Variants in CNTNAP5 observed in about 807,000 individuals in gnomAD.
The protein encoded by CNTNAP5 is contactin-associated protein-like 5.
A neutral mutation model predicts 150.2 loss-of-function variants in CNTNAP5; 72 were observed. The observed-to-expected ratio is 0.48, with a 90% CI of 0.40 to 0.58. The LOEUF (loss-of-function observed/expected upper bound fraction) is 0.58. Among genes scored for constraint, CNTNAP5 ranks in the 20% least tolerant of loss-of-function variants. The pLI, the probability that CNTNAP5 is intolerant of heterozygous loss-of-function variation, is 0.00. For missense variants in CNTNAP5, 1,636 were observed against 1,626.2 expected (o/e 1.01, Z -0.10); for synonymous variants, 672 against 619.8 (o/e 1.08, Z -1.25).
In CNTNAP5 at chr2:124,747,238, C is replaced by A; in HGVS notation, c.2087C>A (p.Pro696Gln). The change falls in exon 14 of 24, where the codon CCA becomes CAA. Residue 696 changes from proline to glutamine, a missense_variant. Coordinates refer to ENST00000682447, the MANE Select transcript of CNTNAP5 (RefSeq NM_001367498.1). ...SRLLNTPDGTPFTWWIGRSNE... is the reference protein window; with the variant it reads ...SRLLNTPDGTQFTWWIGRSNE... The stretch of plus-strand genomic sequence containing the variant: ...ATATCTTGTCTTCCAGATGGAACAC[C>A]ATTTACCTGGTGGATTGGGCGGTCC... 1 of 1,613,302 alleles carries A rather than the reference C, an allele frequency of 6.2e-7. No homozygotes were observed.
chr2:124,538,172 G>A (rs1402436155), intron 10 of CNTNAP5, among the ~76,000 whole-genome samples: 1 of 152,172 alleles, frequency 6.6e-6, no homozygotes, highest in Non-Finnish European at 1.5e-5. Context: ...TATCTGTCCT[G>A]AGATATACTG....
intron 1 of CNTNAP5, among the ~76,000 whole-genome samples, chr2:124,198,405 G>GC (rs1558797364): frequency 6.6e-6 from 1 of 151,178 alleles, no homozygotes. Context: ...GAAGCGCTTA[G>GC]TTTTTTTTTC....
In CNTNAP5 at chr2:124,717,298, G is replaced by A. The variant is rs188264827; in HGVS notation, c.2078-29931G>A. Among the ~76,000 whole-genome samples, 44 of 152,220 alleles carry A rather than the reference G, an allele frequency of 2.9e-4. 1 individual carries two copies. In the South Asian group the frequency reaches 3.1e-3, roughly 11 times the overall value. ...TTGGCATCCTTTCCACCCTATGAAC[G>A]GTTTTCATTTCAGAATGGAATTGTG... is the stretch of plus-strand genomic sequence containing the variant. On this transcript the variant is annotated intron_variant, in intron 13 of 23. Transcript: ENST00000682447.
chr2:124,206,551 G>A (rs1442014018), intron 1 of CNTNAP5, among the ~76,000 whole-genome samples: 2 of 152,190 alleles, frequency 1.3e-5, no homozygotes, highest in African/African-American at 4.8e-5. Flanking sequence ...TGATTCTGGA[G>A]GTCTGAGTGG....
intron 19 of CNTNAP5, among the ~76,000 whole-genome samples, chr2:124,834,615 A>T (rs1320421641): frequency 6.6e-6 from 1 of 152,086 alleles, no homozygotes; most frequent in African/African-American, 2.4e-5. Flanking sequence ...TGTAAGTAAC[A>T]GGACAGTGAG....
At chr2:124,145,844 A>AT (rs1684238328) in intron 1 of CNTNAP5, among the ~76,000 whole-genome samples, 2 of 142,472 alleles carry the variant, frequency 1.4e-5, no homozygotes, top group African/African-American at 5.3e-5. Context: ...AAAAAAAAAA[A>AT]AATAAAATAT....
chr2:124,215,955 C>A (rs1054949655), intron 1 of CNTNAP5, among the ~76,000 whole-genome samples: 3 of 152,160 alleles, frequency 2.0e-5, no homozygotes, highest in Non-Finnish European at 4.4e-5. Flanking sequence ...CTGAATTTTG[C>A]TTCCAGCTGG....
chr2:124,571,019 G>A (rs1164179330), intron 11 of CNTNAP5, among the ~76,000 whole-genome samples: 1 of 152,182 alleles, frequency 6.6e-6, no homozygotes, highest in African/African-American at 2.4e-5. Flanking sequence ...GCTAATGATA[G>A]CAATCATTTC....
intron 21 of CNTNAP5, among the ~76,000 whole-genome samples, chr2:124,895,065 GTAGT>G (rs1019612174): frequency 1.3e-5 from 2 of 151,438 alleles, no homozygotes; most frequent in Non-Finnish European, 2.9e-5. Context: ...ATTTAGCCAG[GTAGT>G]TAGTGTTCAG....
intron 1 of CNTNAP5, among the ~76,000 whole-genome samples, chr2:124,159,374 G>C (rs1454352683): frequency 1.3e-5 from 2 of 152,182 alleles, no homozygotes; most frequent in Non-Finnish European, 2.9e-5. Flanking sequence ...GCTCAACTCT[G>C]TTGTAATATC....
intron 14 of CNTNAP5, among the ~76,000 whole-genome samples, chr2:124,756,082 C>T (rs971931513): frequency 6.6e-6 from 1 of 152,106 alleles, no homozygotes; most frequent in African/African-American, 2.4e-5. Flanking sequence ...ATTTATCAAC[C>T]ATCTTTTTAT....
intron 1 of CNTNAP5, among the ~76,000 whole-genome samples, chr2:124,046,433 G>GAAAAAAAA (rs55954535): frequency 1.5e-5 from 2 of 134,608 alleles, no homozygotes; most frequent in African/African-American, 5.7e-5. Context: ...ACAAAAGAGA[G>GAAAAAAAA]AAAAAAAAAA....
At chr2:124,653,168 G>A (rs1346057726) in intron 13 of CNTNAP5, among the ~76,000 whole-genome samples, 1 of 152,128 alleles carries the variant, frequency 6.6e-6, no homozygotes, top group Non-Finnish European at 1.5e-5. Flanking sequence ...ATTCATTCAT[G>A]CAGCTGAGAG....
intron 1 of CNTNAP5, among the ~76,000 whole-genome samples, chr2:124,145,365 T>G (rs1192755188): frequency 3.6e-5 from 1 of 27,642 alleles, no homozygotes; most frequent in Non-Finnish European, 6.8e-5. Flanking sequence ...TGTGGCATTA[T>G]TCACAATAGC....
At chr2:124,505,602 C>T (rs538142834) in intron 8 of CNTNAP5, among the ~76,000 whole-genome samples, 5 of 152,254 alleles carry the variant, frequency 3.3e-5, no homozygotes, top group African/African-American at 1.2e-4. Flanking sequence ...GATCTTACTG[C>T]CTAGCAATAC....
At chr2:124,053,409 C>A (rs970359486) in intron 1 of CNTNAP5, among the ~76,000 whole-genome samples, 7 of 152,168 alleles carry the variant, frequency 4.6e-5, no homozygotes, top group African/African-American at 1.7e-4. Flanking sequence ...TGAGCACCAG[C>A]CCAGAGAGCA....
intron 1 of CNTNAP5, among the ~76,000 whole-genome samples, chr2:124,110,071 C>T (rs547463391): frequency 6.6e-6 from 1 of 152,322 alleles, no homozygotes; most frequent in South Asian, 2.1e-4. Flanking sequence ...AAAGGCATAT[C>T]AACCACTTTT....
At chr2:124,251,254 A>G (rs982803568) in intron 3 of CNTNAP5, among the ~76,000 whole-genome samples, 1 of 151,738 alleles carries the variant, frequency 6.6e-6, no homozygotes, top group Non-Finnish European at 1.5e-5. Flanking sequence ...TCGGAAGTTA[A>G]TTCAGGAGCT....
intron 12 of CNTNAP5, among the ~76,000 whole-genome samples, chr2:124,610,496 G>GT (rs911294427): frequency 4.6e-5 from 7 of 152,106 alleles, no homozygotes; most frequent in Non-Finnish European, 1.0e-4. Context: ...GAAAAGGTGA[G>GT]TTTTTTCATT....
Sources: gnomAD v4.1 joint callset for allele counts (sites outside exome capture counted in the v4.1 genomes callset) on GRCh38, gnomAD v4.1.1 for gene constraint, MANE v1.5 for transcripts, NCBI Gene and HGNC (gene_info 2026-07-23, HGNC 2026-07-21) for gene names.